FOXP1: variants seen among roughly 807,000 people sequenced by gnomAD.
FOXP1 encodes the protein forkhead box P1, also known as forkhead box protein P1.
FOXP1 carries 15 observed loss-of-function variants against 98.2 expected under a neutral mutation model. The observed-to-expected ratio is 0.15, with a 90% CI of 0.10 to 0.24. The LOEUF (loss-of-function observed/expected upper bound fraction) is 0.24, where lower values mean the gene tolerates loss of function less well. Among genes scored for constraint, FOXP1 ranks in the 10% least tolerant of loss-of-function variants. The pLI is 1.00. For missense variants in FOXP1, 633 were observed against 848.5 expected (o/e 0.75, Z 3.15); for synonymous variants, 371 against 314.5 (o/e 1.18, Z -1.90).
chr3:71,081,040 T>TGGCA (rs2054355742), intron 7 of FOXP1, among the ~76,000 whole-genome samples: 1 of 152,220 alleles, frequency 6.6e-6, no homozygotes, highest in Non-Finnish European at 1.5e-5. Context: ...ACTCTGAAAG[T>TGGCA]GGCAGAAGGA....
chr3:71,563,806 G>A (rs1228341612), intron 2 of FOXP1, among the ~76,000 whole-genome samples: 2 of 152,140 alleles, frequency 1.3e-5, no homozygotes, highest in Admixed American at 6.5e-5. Context: ...TGTGCCACTC[G>A]ACAAGTAAAA....
chr3:71,091,546 T>G (rs1365956617), intron 7 of FOXP1, among the ~76,000 whole-genome samples: 1 of 152,034 alleles, frequency 6.6e-6, no homozygotes, highest in Non-Finnish European at 1.5e-5. Context: ...AACTGAGCTT[T>G]ACTTGGACAA....
intron 4 of FOXP1, among the ~76,000 whole-genome samples, chr3:71,328,528 G>A (rs2076063757): frequency 6.6e-6 from 1 of 152,214 alleles, no homozygotes; most frequent in African/African-American, 2.4e-5. Context: ...AACACAATGT[G>A]TGACTTTTCT....
At chr3:71,501,519 T>A (rs62244862) in intron 2 of FOXP1, among the ~76,000 whole-genome samples, 51,478 of 151,892 alleles carry the variant, frequency 0.34, 9,662 homozygotes, top group Non-Finnish European at 0.43. Flanking sequence ...GGTCTCAATC[T>A]CCTGACCTCA....
chr3:71,362,237 T>C (rs2078620825), intron 3 of FOXP1, among the ~76,000 whole-genome samples: 1 of 152,196 alleles, frequency 6.6e-6, no homozygotes, highest in Non-Finnish European at 1.5e-5. Flanking sequence ...AATGGTATGA[T>C]CTCGGCTCAC....
Position 71,052,560 on chromosome 3 carries a change from G to T in FOXP1, c.487C>A (p.His163Asn). Residue 163 changes from histidine to asparagine, a missense_variant, in exon 9 of 21, where the codon CAT becomes AAT. By Grantham distance (68) the His-to-Asn change is moderately conservative. This residue lies in a region of FOXP1 where 210 missense variants were observed against 270.6 expected (regional missense o/e 0.78). Coordinates refer to ENST00000649528, the MANE Select transcript of FOXP1 (RefSeq NM_001349338.3). ...QLQLQLLQQQ[H>N]AGKQPKEQQQ... The stretch of plus-strand genomic sequence containing the variant: ...ACCTCTTTAGGCTGTTTTCCAGCAT[G>T]TTGTTGTTGTAAAAGTTGAAGCTGC... 7.2e-7 allele frequency: 1 copy of T among 1,380,094 alleles called. No homozygotes were observed. Among genetic ancestry groups the T allele is most frequent in the Non-Finnish European group, 1.0e-6 (1 of 966,048 alleles). The allele number at this position is 1,380,094 out of a possible 1,614,324, so 85.5% of individuals were successfully genotyped here.
chr3:71,542,319 C>A (rs1479620619), intron 2 of FOXP1, among the ~76,000 whole-genome samples: 1 of 151,958 alleles, frequency 6.6e-6, no homozygotes, highest in Admixed American at 6.6e-5. Context: ...TTGTTTGCAC[C>A]CAATGTAATA....
intron 3 of FOXP1, among the ~76,000 whole-genome samples, chr3:71,426,287 C>T (rs1015604055): frequency 2.0e-5 from 3 of 152,042 alleles, no homozygotes; most frequent in African/African-American, 7.3e-5. Context: ...AATATGCAGC[C>T]CCAGTAAATC....
chr3:71,507,647 G>A (rs757600783), intron 2 of FOXP1, among the ~76,000 whole-genome samples: 5 of 151,306 alleles, frequency 3.3e-5, no homozygotes, highest in Non-Finnish European at 7.4e-5. Flanking sequence ...GCACAACCTC[G>A]GCTCACTGCA....
chr3:71,533,333 T>C (rs2044012338), intron 2 of FOXP1, among the ~76,000 whole-genome samples: 3 of 152,186 alleles, frequency 2.0e-5, no homozygotes, highest in South Asian at 4.1e-4. Flanking sequence ...GCCTACTCAA[T>C]GTAAAGAACG....
At chr3:71,190,534 G>A (rs749614669) in intron 6 of FOXP1, among the ~76,000 whole-genome samples, 50 of 149,186 alleles carry the variant, frequency 3.4e-4, no homozygotes, top group Non-Finnish European at 6.5e-4. Context: ...TGGGAGAATC[G>A]CTTGAGCCCG....
At chr3:70,989,179 G>A (rs370820568) in intron 13 of FOXP1, among the ~76,000 whole-genome samples, 1 of 152,130 alleles carries the variant, frequency 6.6e-6, no homozygotes, top group Admixed American at 6.5e-5. Flanking sequence ...TAAGGAAGAA[G>A]GGGGACAGGG....
intron 19 of FOXP1, among the ~76,000 whole-genome samples, chr3:70,966,571 C>T (rs1054115775): frequency 4.7e-4 from 71 of 152,162 alleles, no homozygotes; most frequent in African/African-American, 1.6e-3. Flanking sequence ...GAATTGGAAT[C>T]AATTTTTTAT....
At chr3:71,164,057 T>A (rs1475637963) in intron 6 of FOXP1, among the ~76,000 whole-genome samples, 2 of 152,104 alleles carry the variant, frequency 1.3e-5, no homozygotes, top group Non-Finnish European at 2.9e-5. Context: ...ATGCCATCAG[T>A]CCAATCCCCA....
At chr3:71,158,566 C>T (rs1424235001) in intron 6 of FOXP1, among the ~76,000 whole-genome samples, 1 of 152,046 alleles carries the variant, frequency 6.6e-6, no homozygotes, top group Non-Finnish European at 1.5e-5. Flanking sequence ...GCTGAATGCT[C>T]TGCTCTAAAA....
intron 5 of FOXP1, among the ~76,000 whole-genome samples, chr3:71,261,283 C>T (rs2069114811): frequency 6.6e-6 from 1 of 152,012 alleles, no homozygotes; most frequent in Non-Finnish European, 1.5e-5. Flanking sequence ...AGTAAATTAT[C>T]ACTAAGTTTT....
At chr3:71,209,636 T>A (rs1399331188) in intron 5 of FOXP1, among the ~76,000 whole-genome samples, 1 of 152,216 alleles carries the variant, frequency 6.6e-6, no homozygotes, top group African/African-American at 2.4e-5. Context: ...GAATGAACAA[T>A]AAGTTCGGTG....
At chr3:71,190,583 C>T (rs144672962) in intron 6 of FOXP1, among the ~76,000 whole-genome samples, 1 of 145,502 alleles carries the variant, frequency 6.9e-6, no homozygotes, top group African/African-American at 2.6e-5. Context: ...AAGCCATGAT[C>T]GCAACCCTGT....
chr3:71,488,207 T>C (rs550330662), intron 3 of FOXP1, among the ~76,000 whole-genome samples: 3 of 152,344 alleles, frequency 2.0e-5, no homozygotes, highest in East Asian at 3.9e-4. Context: ...TCACCTCCAA[T>C]AGAATTCATT....
Sources: gnomAD v4.1 joint callset for allele counts (sites outside exome capture counted in the v4.1 genomes callset) on GRCh38, gnomAD v4.1.1 for gene constraint, gnomAD v4.1.1 regional missense constraint, MANE v1.5 for transcripts, NCBI Gene and HGNC (gene_info 2026-07-23, HGNC 2026-07-21) for gene names.